The following FERMT2 variants were observed in gnomAD, a reference collection of about 807,000 sequenced individuals.
FERMT2 encodes the protein FERM domain containing kindlin 2.
Under a neutral mutation model 82.7 loss-of-function variants are expected in FERMT2, and 15 were observed. The observed-to-expected ratio is 0.18, with a 90% CI of 0.12 to 0.28. The LOEUF (loss-of-function observed/expected upper bound fraction) is 0.28. Ranked by LOEUF, FERMT2 falls within the 10% of genes least tolerant of loss-of-function variation. The pLI is 1.00. For missense variants in FERMT2, 645 were observed against 809.4 expected (o/e 0.80, Z 2.46); for synonymous variants, 274 against 271.5 (o/e 1.01, Z -0.09).
At chr14:52,859,435 AAT>A in intron 14 of FERMT2, 136 bp downstream of exon 14, 3 of 785,678 alleles carry the variant, frequency 3.8e-6, no homozygotes, top group Non-Finnish European at 5.4e-6. Flanking sequence ...GTGAGAAATG[AAT>A]AGTCAACCAT....
chr14:52,893,818 C>A (rs912945472), intron 3 of FERMT2, among the ~76,000 whole-genome samples: 2 of 138,050 alleles, frequency 1.4e-5, no homozygotes, highest in Middle Eastern at 3.6e-3. Flanking sequence ...AAATCATTAC[C>A]AAATCCCAGT....
intron 3 of FERMT2, among the ~76,000 whole-genome samples, chr14:52,912,511 C>CTTTTT (rs1252702778): frequency 1.4e-5 from 2 of 139,268 alleles, no homozygotes; most frequent in Non-Finnish European, 3.1e-5. Context: ...CAGATCACTA[C>CTTTTT]TTTTTTTTTT....
intron 12 of FERMT2, chr14:52,862,913 T>G (rs1164612770): frequency 6.6e-6 from 1 of 152,214 alleles, no homozygotes; most frequent in Non-Finnish European, 1.5e-5. Context: ...GTGAAAACAA[T>G]GTGTGGCAGC....
At chr14:52,946,671 A>G (rs995334884) in intron 2 of FERMT2, among the ~76,000 whole-genome samples, 1 of 151,994 alleles carries the variant, frequency 6.6e-6, no homozygotes, top group Non-Finnish European at 1.5e-5. Context: ...AAACAGTACT[A>G]AATTTTCACA....
intron 3 of FERMT2, among the ~76,000 whole-genome samples, chr14:52,915,859 T>G (rs1209941965): frequency 2.0e-5 from 3 of 152,162 alleles, no homozygotes; most frequent in African/African-American, 7.2e-5. Context: ...TTAGAATTTA[T>G]AAAGAACTAC....
rs71125146 is a variant in FERMT2 at position 52,901,105 on chromosome 14, CAAAAAAAA to C, written c.392-7686_392-7679del. 8.8e-3 allele frequency among the ~76,000 whole-genome samples: 603 copies of C among 68,636 alleles called. 3 individuals carry two copies. Among genetic ancestry groups the C allele is most frequent in the South Asian group, 0.031 (62 of 1,974 alleles). The allele number at this position is 68,636 out of a possible 152,430, so 45.0% of individuals were successfully genotyped here. A position where few individuals can be genotyped will look rare whatever the true frequency, so the allele number is the denominator to read the frequency against. On this transcript the variant is annotated intron_variant, in intron 3 of 14. Coordinates refer to ENST00000341590, the MANE Select transcript of FERMT2 (RefSeq NM_006832.3). ...GAAACCCCGGTCTCTACTAAAAATA[CAAAAAAAA>C]AAAAAAAAAAAAAAAAAATTAGCTG...
At chr14:52,950,698 G>T (rs911695880) in intron 1 of FERMT2, 121 bp from the exon 2 acceptor site, 1 of 982,122 alleles carries the variant, frequency 1.0e-6, no homozygotes, top group African/African-American at 1.6e-5. Flanking sequence ...GCTTTCGGCA[G>T]AAACTCGGGA....
intron 2 of FERMT2, among the ~76,000 whole-genome samples, chr14:52,927,704 G>A (rs1889364595): frequency 6.6e-6 from 1 of 150,834 alleles, no homozygotes; most frequent in South Asian, 2.1e-4. Flanking sequence ...GGGTGGTCAA[G>A]GTTGCATAGA....
intron 10 of FERMT2, among the ~76,000 whole-genome samples, chr14:52,870,821 G>A (rs1227158167): frequency 1.3e-5 from 2 of 152,192 alleles, no homozygotes; most frequent in Non-Finnish European, 2.9e-5. Flanking sequence ...ACTGTACTAA[G>A]TACAATTTAG....
intron 3 of FERMT2, among the ~76,000 whole-genome samples, chr14:52,904,532 AAAC>A (rs1207039665): frequency 1.3e-5 from 2 of 151,628 alleles, no homozygotes; most frequent in African/African-American, 4.9e-5. Flanking sequence ...AAACAAACAA[AAAC>A]AACAAAAATT....
At chr14:52,879,762 G>A (rs1032502625) in intron 6 of FERMT2, among the ~76,000 whole-genome samples, 1 of 152,148 alleles carries the variant, frequency 6.6e-6, no homozygotes, top group Non-Finnish European at 1.5e-5. Context: ...GTAGCCAAGA[G>A]AGGTTTCTTT....
intron 13 of FERMT2, chr14:52,860,107 G>A (rs565774360): frequency 3.1e-5 from 13 of 418,980 alleles, no homozygotes; most frequent in South Asian, 7.3e-5. Context: ...GTGAGCCACC[G>A]TGCCTGGCCA....
At chr14:52,896,999 AACACACACACACACACACAC>A (rs57945447) in intron 3 of FERMT2, among the ~76,000 whole-genome samples, 117 of 137,186 alleles carry the variant, frequency 8.5e-4, no homozygotes, top group African/African-American at 2.9e-3. Flanking sequence ...AAACAAATAA[AACACACACACACACACACAC>A]ACACACACAC....
chr14:52,934,980 A>G (rs146546739), intron 2 of FERMT2, among the ~76,000 whole-genome samples: 25 of 152,336 alleles, frequency 1.6e-4, no homozygotes, highest in African/African-American at 6.0e-4. Flanking sequence ...AGCTTCTGTT[A>G]TTTACATAGT....
chr14:52,914,484 AAC>A (rs1488955971), intron 3 of FERMT2, among the ~76,000 whole-genome samples: 1 of 152,226 alleles, frequency 6.6e-6, no homozygotes, highest in Admixed American at 6.5e-5. Flanking sequence ...ACAACACAAC[AAC>A]AGTCATCATT....
At chr14:52,861,190 G>A in intron 12 of FERMT2, 1 of 593,952 alleles carries the variant, frequency 1.7e-6, no homozygotes, top group Non-Finnish European at 3.0e-6. Flanking sequence ...TAGAAACCAA[G>A]CAAAGTAAAT....
chr14:52,942,492 C>T lies in FERMT2; in HGVS notation c.157+7920G>A, dbSNP rs139729981. 5.9e-3 allele frequency among the ~76,000 whole-genome samples: 896 copies of T among 151,928 alleles called. 5 individuals carry two copies. Among genetic ancestry groups the T allele is most frequent in the Admixed American group, 0.01 (157 of 15,258 alleles). On this transcript the variant is annotated intron_variant, in intron 2 of 14. Transcript: ENST00000341590. ...TAATTTTTTGTATTTTCAGTAGAGA[C>T]GGGGTTTCATCGTGTTAGCCAGGAT...
chr14:52,868,402 T>C (rs963552523), intron 10 of FERMT2, among the ~76,000 whole-genome samples: 1 of 152,078 alleles, frequency 6.6e-6, no homozygotes, highest in African/African-American at 2.4e-5. Context: ...TAGAACACCC[T>C]TACCCCTTGC....
rs773603392 is a variant in FERMT2, at chr14:52,859,558, TTGTTA to T, written c.1869+10_1869+14del. 1.9e-6 allele frequency: 3 copies of T among 1,584,828 alleles called. No homozygotes were observed. The highest frequency in any genetic ancestry group is 2.6e-6 in the Non-Finnish European group (3 of 1,163,024). ...AGAGAAGGACTATATTCAAGTAACATTGTTATGAGTTTACCATTTTGATTTCCCAG... is the reference window on the plus strand; with the variant it reads ...AGAGAAGGACTATATTCAAGTAACATTGAGTTTACCATTTTGATTTCCCAG... On this transcript the variant is annotated intron_variant, in intron 14 of 14. Transcript: ENST00000341590.
Sources: allele counts gnomAD v4.1 joint callset (sites outside exome capture counted in the v4.1 genomes callset), GRCh38; gene constraint gnomAD v4.1.1; transcripts MANE v1.5; gene names NCBI Gene and HGNC (gene_info 2026-07-23, HGNC 2026-07-21).